PPFIBP1: variants seen among roughly 807,000 people sequenced by gnomAD.
The protein encoded by PPFIBP1 is liprin-beta-1.
Under a neutral mutation model 137.8 loss-of-function variants are expected in PPFIBP1, and 112 were observed. That is an observed-to-expected ratio of 0.81 (90% CI 0.70 to 0.95). PPFIBP1 has a LOEUF of 0.95. Among genes scored for constraint, PPFIBP1 ranks in the 40% least tolerant of loss-of-function variants. The pLI is 0.00. For synonymous variants in PPFIBP1, 378 were observed against 417.3 expected (o/e 0.91, Z 1.15); for missense variants, 1,083 against 1,196.6 (o/e 0.91, Z 1.40).
rs2058464114 is a variant in PPFIBP1 at position 27,646,115 on chromosome 12, T to C, written c.324T>C (p.Arg108=). ...ATGTGTATCAAGAAAGGCTGGCACG[T>C]TTAGAAAATGATAAAGAATCCCTCG... ...NGDVYQERLA[R]LENDKESLVL... The change falls in exon 5 of 30, where the codon CGT becomes CGC. Residue 108 remains arginine (R), a synonymous_variant. Transcript: ENST00000228425. 6.2e-7 allele frequency: 1 copy of C among 1,611,716 alleles called. No homozygotes were observed. The highest frequency in any genetic ancestry group is 8.5e-7 in the Non-Finnish European group (1 of 1,178,212).
At chr12:27,677,408 A>T in intron 19 of PPFIBP1, 1 of 417,536 alleles carries the variant, frequency 2.4e-6, no homozygotes, top group African/African-American at 1.9e-5. Context: ...CAGCTCTTTC[A>T]GCCTTGAAGT....
Position 27,664,844 on chromosome 12 carries a change from G to C in PPFIBP1, c.991+398G>C, listed in dbSNP as rs537515676. 3.3e-5 allele frequency among the ~76,000 whole-genome samples: 5 copies of C among 152,284 alleles called. No homozygotes were observed. The South Asian group carries it at 1.0e-3, about 32-fold the overall frequency. The stretch of plus-strand genomic sequence containing the variant: ...TGAGCAACCTCTGGTAGCGCAAGGG[G>C]TGGAGTTAAGCTCTTGCTCAAGTGC... On this transcript the variant is annotated intron_variant, in intron 12 of 29. Coordinates refer to ENST00000228425, the MANE Select transcript of PPFIBP1 (RefSeq NM_003622.4).
Position 27,664,347 on chromosome 12 carries a change from T to A in PPFIBP1, c.907-15T>A, listed in dbSNP as rs750256327. 8.4e-6 allele frequency: 13 copies of A among 1,552,262 alleles called. No individual in the cohort carries two copies. Among genetic ancestry groups the A allele is most frequent in the Non-Finnish European group, 8.9e-7 (1 of 1,126,784 alleles). On this transcript the variant is annotated splice_polypyrimidine_tract_variant and intron_variant, in intron 11 of 29. Transcript: ENST00000228425. ...AGAACATAGGATTAAAGATTACAAT[T>A]TATTTTATTCCTAGGATCGGAAAAT...
At chr12:27,665,221 C>T (rs763157837) in intron 12 of PPFIBP1, among the ~76,000 whole-genome samples, 16 of 152,038 alleles carry the variant, frequency 1.1e-4, no homozygotes, top group Non-Finnish European at 1.9e-4. Context: ...CTTTGTAACA[C>T]GTGGGCCATG....
intron 1 of PPFIBP1, among the ~76,000 whole-genome samples, chr12:27,532,312 G>T (rs1220947800): frequency 1.3e-5 from 2 of 152,104 alleles, no homozygotes; most frequent in Non-Finnish European, 2.9e-5. Context: ...CTGTTAAAAA[G>T]ATTGAATATA....
intron 2 of PPFIBP1, among the ~76,000 whole-genome samples, chr12:27,609,826 A>G (rs2054899608): frequency 6.6e-6 from 1 of 152,170 alleles, no homozygotes. Flanking sequence ...CTCTTCACTG[A>G]GATAATCCTA....
At chr12:27,655,332 C>G in intron 8 of PPFIBP1, 2 of 838,716 alleles carry the variant, frequency 2.4e-6, no homozygotes, top group Non-Finnish European at 3.8e-6. Flanking sequence ...TGCATTCATT[C>G]TGTGTGTGTG....
intron 2 of PPFIBP1, among the ~76,000 whole-genome samples, chr12:27,604,625 C>G (rs1262182918): frequency 1.3e-5 from 2 of 152,226 alleles, no homozygotes; most frequent in African/African-American, 4.8e-5. Flanking sequence ...ATGGGAGGCT[C>G]CCTGCCTCTC....
intron 2 of PPFIBP1, among the ~76,000 whole-genome samples, chr12:27,578,568 C>A (rs186240170): frequency 6.6e-6 from 1 of 151,440 alleles, no homozygotes. Flanking sequence ...TCACTCTTCA[C>A]CTCACAGACC....
chr12:27,690,450 C>G (rs2061465086), intron 27 of PPFIBP1, among the ~76,000 whole-genome samples: 1 of 152,168 alleles, frequency 6.6e-6, no homozygotes, highest in Non-Finnish European at 1.5e-5. Flanking sequence ...TGGGTGTTCC[C>G]TCTTAGGTGG....
At chr12:27,601,990 C>T (rs922562682) in intron 2 of PPFIBP1, among the ~76,000 whole-genome samples, 19 of 152,176 alleles carry the variant, frequency 1.2e-4, no homozygotes, top group Non-Finnish European at 2.4e-4. Flanking sequence ...TTAGTGACCA[C>T]CTGAACTAGT....
At chr12:27,692,189 C>G (rs1369640890) in intron 28 of PPFIBP1, among the ~76,000 whole-genome samples, 1 of 152,180 alleles carries the variant, frequency 6.6e-6, no homozygotes, top group Non-Finnish European at 1.5e-5. Context: ...GCACAGAGAG[C>G]TAAGTAACTT....
intron 1 of PPFIBP1, among the ~76,000 whole-genome samples, chr12:27,524,601 G>C (rs2289712): frequency 0.1 from 15,254 of 151,980 alleles, 928 homozygotes; most frequent in East Asian, 0.28. Flanking sequence ...TGGACGTTTA[G>C]GTCTTGTCTG....
chr12:27,628,093 T>C (rs1418034849), intron 2 of PPFIBP1, among the ~76,000 whole-genome samples: 1 of 152,160 alleles, frequency 6.6e-6, no homozygotes, highest in African/African-American at 2.4e-5. Context: ...AGCAAGTCAT[T>C]CAAAGAAGCA....
chr12:27,563,277 TAAAAAAAAAAAAAAA>T (rs869044515), intron 1 of PPFIBP1, among the ~76,000 whole-genome samples: 21 of 22,176 alleles, frequency 9.5e-4, no homozygotes, highest in East Asian at 1.4e-3. Flanking sequence ...CCATCTCTAC[TAAAAAAAAAAAAAAA>T]AAAAAAAAAA....
intron 2 of PPFIBP1, among the ~76,000 whole-genome samples, chr12:27,616,453 CTG>C (rs1281941799): frequency 2.0e-5 from 3 of 152,040 alleles, no homozygotes; most frequent in African/African-American, 7.2e-5. Context: ...GTGGAGCAGA[CTG>C]TGTGACTACT....
chr12:27,609,400 A>G (rs563304447), intron 2 of PPFIBP1, among the ~76,000 whole-genome samples: 2 of 152,116 alleles, frequency 1.3e-5, no homozygotes, highest in African/African-American at 2.4e-5. Context: ...TCTCTCACAC[A>G]CTTTCATTCC....
At chr12:27,586,282 C>T (rs886361860) in intron 2 of PPFIBP1, among the ~76,000 whole-genome samples, 2 of 152,092 alleles carry the variant, frequency 1.3e-5, no homozygotes, top group Non-Finnish European at 1.5e-5. Context: ...GAATAGGATT[C>T]GGAGAGTCTT....
intron 2 of PPFIBP1, among the ~76,000 whole-genome samples, chr12:27,606,262 T>C (rs1453249901): frequency 6.6e-6 from 1 of 152,198 alleles, no homozygotes; most frequent in Non-Finnish European, 1.5e-5. Flanking sequence ...CTGTTTCTAT[T>C]GTATAATGTG....
Sources: gnomAD v4.1 joint callset for allele counts (sites outside exome capture counted in the v4.1 genomes callset) on GRCh38, gnomAD v4.1.1 for gene constraint, MANE v1.5 for transcripts, NCBI Gene and HGNC (gene_info 2026-07-23, HGNC 2026-07-21) for gene names.